RASSF3: variants seen among roughly 807,000 people sequenced by gnomAD.
The protein encoded by RASSF3 is ras association domain-containing protein 3.
A neutral mutation model predicts 19.9 loss-of-function variants in RASSF3; 19 were observed. The observed-to-expected ratio is 0.96, with a 90% CI of 0.67 to 1.40. RASSF3 has a LOEUF of 1.40. RASSF3 is among the 40% of genes most tolerant of loss of function. The pLI, the probability that RASSF3 is intolerant of heterozygous loss-of-function variation, is 0.00. For missense variants in RASSF3, 306 were observed against 289.8 expected, an observed-to-expected ratio of 1.06 and a Z score of -0.41; for synonymous variants, 110 against 104.2, an observed-to-expected ratio of 1.06 and a Z score of -0.34.
At chr12:64,647,412 C>CTT (rs10633120) in intron 1 of RASSF3, among the ~76,000 whole-genome samples, 37,489 of 136,726 alleles carry the variant, frequency 0.27, 5,582 homozygotes, top group Non-Finnish European at 0.35. Context: ...ATTTTTTTTT[C>CTT]TTTTTTTTTT....
Position 64,697,523 on chromosome 12 carries a change from G to C in RASSF3, c.*2611G>C, listed in dbSNP as rs1327363671. 8 of 152,100 alleles carry C rather than the reference G, an allele frequency of 5.3e-5. No homozygotes were observed. Among genetic ancestry groups the C allele is most frequent in the African/African-American group, 1.9e-4 (8 of 41,418 alleles). The allele number at this position is 152,100 out of a possible 1,614,324, so 9.4% of individuals were successfully genotyped here. ...TTTTTCTCCCCTAAAATAGTTTCTA[G>C]AATGGCAAAATTGTTTCCATTATTA... On this transcript the variant is annotated 3_prime_UTR_variant, in exon 5 of 5. Transcript: ENST00000542104.
intron 2 of RASSF3, among the ~76,000 whole-genome samples, chr12:64,549,770 A>T (rs1869126502): frequency 6.6e-6 from 1 of 152,184 alleles, no homozygotes. Context: ...AAGCCACCAG[A>T]GGGAGCTCTA....
At chr12:64,560,370 C>T (rs961491015) in intron 2 of RASSF3, among the ~76,000 whole-genome samples, 2 of 152,170 alleles carry the variant, frequency 1.3e-5, no homozygotes, top group Admixed American at 6.5e-5. Context: ...CTCTAGCTCT[C>T]ACAGTCTCTA....
At chr12:64,519,787 C>A (rs1175382172) in intron 1 of RASSF3, among the ~76,000 whole-genome samples, 1 of 151,756 alleles carries the variant, frequency 6.6e-6, no homozygotes, top group Non-Finnish European at 1.5e-5. Context: ...TGTATATAAA[C>A]ACGTATATAT....
At chr12:64,587,478 A>G (rs1047558356) in intron 2 of RASSF3, among the ~76,000 whole-genome samples, 3 of 152,220 alleles carry the variant, frequency 2.0e-5, no homozygotes, top group African/African-American at 7.2e-5. Context: ...TGGCTGTTTC[A>G]TCTACAAGAC....
At chr12:64,652,964 G>A (rs1366151959) in intron 1 of RASSF3, among the ~76,000 whole-genome samples, 1 of 152,148 alleles carries the variant, frequency 6.6e-6, no homozygotes, top group African/African-American at 2.4e-5. Flanking sequence ...TCCTTCTGAG[G>A]GTTAGGAGGG....
chr12:64,560,998 G>T (rs1869337308), intron 2 of RASSF3, among the ~76,000 whole-genome samples: 1 of 152,224 alleles, frequency 6.6e-6, no homozygotes, highest in South Asian at 2.1e-4. Context: ...TATTAGTAAA[G>T]AATGAGTCTG....
At chr12:64,565,741 G>A (rs1369047591) in intron 2 of RASSF3, among the ~76,000 whole-genome samples, 1 of 151,946 alleles carries the variant, frequency 6.6e-6, no homozygotes, top group East Asian at 1.9e-4. Flanking sequence ...CAATTAGCTG[G>A]ATGTGGTGGC....
downstream of RASSF3, among the ~76,000 whole-genome samples, chr12:64,543,453 C>T (rs1374792340): frequency 1.2e-5 from 1 of 86,398 alleles, no homozygotes; most frequent in Non-Finnish European, 2.3e-5. Flanking sequence ...TGCCCGCCCG[C>T]CCCCCGCTCC....
intron 2 of RASSF3, among the ~76,000 whole-genome samples, chr12:64,591,679 GC>G (rs374807021): frequency 6.6e-6 from 1 of 152,082 alleles, no homozygotes; most frequent in African/African-American, 2.4e-5. Context: ...TTGTGTGCGT[GC>G]CTCTAAATAT....
chr12:64,668,256 T>TTTCTTC (rs139462401), intron 1 of RASSF3, among the ~76,000 whole-genome samples: 23 of 148,910 alleles, frequency 1.5e-4, no homozygotes, highest in East Asian at 3.9e-4. Context: ...TACCAATCCT[T>TTTCTTC]TTCTTCTTCT....
chr12:64,516,860 GTGGTGGCGCA>G (rs1336525188), intron 1 of RASSF3, among the ~76,000 whole-genome samples: 1 of 151,610 alleles, frequency 6.6e-6, no homozygotes, highest in Non-Finnish European at 1.5e-5. Context: ...TTAGCAGGGC[GTGGTGGCGCA>G]TGCCTGTAAT....
chr12:64,620,336 T>C (rs1870709382), intron 1 of RASSF3, among the ~76,000 whole-genome samples: 1 of 152,202 alleles, frequency 6.6e-6, no homozygotes, highest in Non-Finnish European at 1.5e-5. Context: ...TGTTTATCCA[T>C]TGATTCTTCC....
rs572285547 is a variant in RASSF3, at chr12:64,513,458, A to G, written c.169+6129A>G. Among the ~76,000 whole-genome samples, 13 of 151,810 alleles carry G rather than the reference A, an allele frequency of 8.6e-5. No individual in the cohort carries two copies. In the South Asian group the frequency reaches 2.5e-3, roughly 29 times the overall value. On this transcript the variant is annotated intron_variant, in intron 1 of 5. Coordinates refer to the RASSF3 transcript ENST00000637125. The stretch of plus-strand genomic sequence containing the variant: ...AGAGCAGAACTCCATCTCAGAAAAA[A>G]AAAAAAAAAAGCCAGATTTCACCAG...
At chr12:64,588,928 G>T (rs928037620) in intron 2 of RASSF3, among the ~76,000 whole-genome samples, 1 of 152,046 alleles carries the variant, frequency 6.6e-6, no homozygotes, top group South Asian at 2.1e-4. Context: ...TCTTTTTAAC[G>T]GAGTCAAAAT....
chr12:64,550,832 AAGAAAG>A (rs1160590253), intron 2 of RASSF3, among the ~76,000 whole-genome samples: 1 of 147,592 alleles, frequency 6.8e-6, no homozygotes, highest in Non-Finnish European at 1.5e-5. Context: ...AAAAAAAAAA[AAGAAAG>A]AAAGAAAGGA....
intron 2 of RASSF3, among the ~76,000 whole-genome samples, chr12:64,565,167 GA>G (rs201749569): frequency 0.075 from 8,747 of 116,132 alleles, 339 homozygotes; most frequent in East Asian, 0.16. Flanking sequence ...TTGAGAATCA[GA>G]AAAAAAAAAA....
At chr12:64,536,495 C>G (rs1195798945) in intron 1 of RASSF3, among the ~76,000 whole-genome samples, 1 of 152,164 alleles carries the variant, frequency 6.6e-6, no homozygotes, top group Non-Finnish European at 1.5e-5. Context: ...ACACAGCTCT[C>G]TAATTCAATT....
In RASSF3 at chr12:64,694,839, A is replaced by G. The variant is rs376654105; in HGVS notation, c.644A>G (p.Asn215Ser). Reference sequence around the variant, plus strand: ...AAGGAAGAAGATGAACAGCTGCAGAACCTGAAGAGGCGCTACACAGCCTAC... The same window carrying G: ...AAGGAAGAAGATGAACAGCTGCAGAGCCTGAAGAGGCGCTACACAGCCTAC... ...LDKEEDEQLQ[N>S]LKRRYTAYRQ... The change falls in exon 5 of 5, where the codon AAC becomes AGC. Residue 215 changes from asparagine to serine, a missense_variant. By Grantham distance (46) the Asn-to-Ser change is conservative. Coordinates refer to ENST00000542104, the MANE Select transcript of RASSF3 (RefSeq NM_178169.4). 2 of 1,614,210 alleles carry G rather than the reference A, an allele frequency of 1.2e-6. No individual in the cohort carries two copies. The highest frequency in any genetic ancestry group is 2.7e-5 in the African/African-American group (2 of 75,066).
Sources: gnomAD v4.1 joint callset for allele counts (sites outside exome capture counted in the v4.1 genomes callset) on GRCh38, gnomAD v4.1.1 for gene constraint, MANE v1.5 for transcripts, NCBI Gene and HGNC (gene_info 2026-07-23, HGNC 2026-07-21) for gene names.